L1TD1: variants seen among roughly 807,000 people sequenced by gnomAD.
L1TD1 encodes LINE1 type transposase domain containing 1.
L1TD1 carries 26 observed loss-of-function variants against 25.7 expected under a neutral mutation model. That is an observed-to-expected ratio of 1.01 (90% CI 0.74 to 1.40). L1TD1 has a LOEUF of 1.40. Ranked by LOEUF, L1TD1 falls within the 40% of genes most tolerant of loss-of-function variation. The probability of loss-of-function intolerance (pLI) is 0.00; values close to 1 mark genes in which losing one functional copy is unlikely to be tolerated. For missense variants in L1TD1, 1,130 were observed against 975.0 expected (o/e 1.16, Z -2.12); for synonymous variants, 421 against 335.6 (o/e 1.25, Z -2.78).
intron 1 of L1TD1, among the ~76,000 whole-genome samples, chr1:62,195,124 AAG>A (rs979863315): frequency 6.6e-6 from 1 of 151,230 alleles, no homozygotes; most frequent in African/African-American, 2.4e-5. Context: ...CGCCCCAAGT[AAG>A]GCTGGTCCAG....
intron 2 of L1TD1, among the ~76,000 whole-genome samples, chr1:62,204,559 C>T (rs926491127): frequency 6.6e-6 from 1 of 151,976 alleles, no homozygotes; most frequent in African/African-American, 2.4e-5. Context: ...ATTTTTATTG[C>T]AATGAAAAAT....
intron 1 of L1TD1, among the ~76,000 whole-genome samples, chr1:62,195,753 A>G (rs563141875): frequency 3.3e-5 from 5 of 150,744 alleles, no homozygotes; most frequent in African/African-American, 9.8e-5. Context: ...ACTGTCTCAA[A>G]TAAAAAAAGA....
chr1:62,205,389 TTC>T (rs1194912722), intron 2 of L1TD1, among the ~76,000 whole-genome samples: 1,721 of 60,256 alleles, frequency 0.029, 35 homozygotes, highest in Non-Finnish European at 0.031. Flanking sequence ...CTCTCTCTCT[TTC>T]TCTCTCTCTC....
intron 2 of L1TD1, among the ~76,000 whole-genome samples, chr1:62,200,524 T>C (rs1670622011): frequency 6.6e-6 from 1 of 152,078 alleles, no homozygotes; most frequent in South Asian, 2.1e-4. Context: ...TGTACTTATA[T>C]ATAGTTATAT....
chr1:62,205,439 A>ATTTTTTTTTTTTTTTTTTTTTTTT (rs1297750882), intron 2 of L1TD1, among the ~76,000 whole-genome samples: 1 of 44,220 alleles, frequency 2.3e-5, no homozygotes, highest in Non-Finnish European at 4.3e-5. Context: ...ATATATATAT[A>ATTTTTTTTTTTTTTTTTTTTTTTT]TATATTTTTT....
chr1:62,198,969 C>T (rs1670593767), intron 2 of L1TD1, among the ~76,000 whole-genome samples: 2 of 152,084 alleles, frequency 1.3e-5, no homozygotes, highest in African/African-American at 4.8e-5. Flanking sequence ...TCCCAAGTAG[C>T]TGGGACTGCA....
rs1670559988 is a variant in L1TD1 at position 62,197,258 on chromosome 1, G to A, written c.-111+730G>A. Reference sequence around the variant, plus strand: ...CAAAATTAGCTGGGCATGGTGGCACGCTCCTGTAGTCCCAGCTACGTGGGA... The same window carrying A: ...CAAAATTAGCTGGGCATGGTGGCACACTCCTGTAGTCCCAGCTACGTGGGA... On this transcript the variant is annotated intron_variant, in intron 2 of 3. Transcript: ENST00000498273. Among the ~76,000 whole-genome samples the A allele has an allele frequency of 2.6e-5, 4 of 151,534 alleles. No homozygotes were observed. The South Asian group carries it at 8.4e-4, about 32-fold the overall frequency.
chr1:62,206,616 C>A lies in L1TD1; in HGVS notation c.-13C>A. The A allele has an allele frequency of 6.8e-7, 1 of 1,477,552 alleles. No individual in the cohort carries two copies. Among genetic ancestry groups the A allele is most frequent in the East Asian group, 2.5e-5 (1 of 40,096 alleles). 91.5% of individuals were successfully genotyped at this position (1,477,552 alleles called of 1,614,324 possible). A position where few individuals can be genotyped will look rare whatever the true frequency, so the allele number is the denominator to read the frequency against. ...AATTAAAAACAGAATCCAGTCTTGA[C>A]AACATATCCACAATGTCTGATGTAT... On this transcript the variant is annotated 5_prime_UTR_variant, in exon 3 of 4. Transcript: ENST00000498273.
At position 62,210,438 on chromosome 1, in the gene L1TD1, T is replaced by G. The variant is rs1670842100; in HGVS notation, c.1664T>G (p.Leu555Trp). 6.2e-7 allele frequency: 1 copy of G among 1,614,060 alleles called. No individual in the cohort carries two copies. Among genetic ancestry groups the G allele is most frequent in the African/African-American group, 1.3e-5 (1 of 74,934 alleles). ...GGCACACCCTGTCTGACCTTATGTTTGGCCTCTCCCTCAAAGTCACTAGAG... is the reference window on the plus strand; with the variant it reads ...GGCACACCCTGTCTGACCTTATGTTGGGCCTCTCCCTCAAAGTCACTAGAG... ...GTGTPCLTLCLASPSKSLEMS... is the reference protein window; with the variant it reads ...GTGTPCLTLCWASPSKSLEMS... Residue 555 changes from leucine to tryptophan, a missense_variant, in exon 4 of 4, where the codon TTG becomes TGG. Coordinates refer to ENST00000498273, the MANE Select transcript of L1TD1 (RefSeq NM_019079.5).
In L1TD1 at chr1:62,207,109, C is replaced by T. The variant is rs1171296564; in HGVS notation, c.481C>T (p.Pro161Ser). Residue 161 changes from proline (P) to serine (S), a missense_variant, in exon 3 of 4, where the codon CCC (proline) becomes TCC (serine). By Grantham distance (74) the Pro-to-Ser change is moderately conservative (BLOSUM62 -1). Coordinates refer to ENST00000498273, the MANE Select transcript of L1TD1 (RefSeq NM_019079.5). ...EYNSNDGKKL[P>S]QGESRSYEVM... ...CAATAGTAATGATGGTAAGAAATTA[C>T]CCCAGGGTGAATCACGAAGTTACGA... 6.2e-7 allele frequency: 1 copy of T among 1,605,252 alleles called. No individual in the cohort carries two copies.
Position 62,202,098 on chromosome 1 carries a change from C to T in L1TD1, c.-110-4421C>T, listed in dbSNP as rs533906104. Among the ~76,000 whole-genome samples, 9 of 152,210 alleles carry T rather than the reference C, an allele frequency of 5.9e-5. No individual in the cohort carries two copies. In the South Asian group the frequency reaches 1.2e-3, roughly 21 times the overall value. ...GGTGGATCACCTGAGGTTGGGAGTT[C>T]GAGACCAGCCTGACCAACACGGAGA... is the stretch of plus-strand genomic sequence containing the variant. On this transcript the variant is annotated intron_variant, in intron 2 of 3. Coordinates refer to ENST00000498273, the MANE Select transcript of L1TD1 (RefSeq NM_019079.5).
intron 2 of L1TD1, among the ~76,000 whole-genome samples, chr1:62,206,184 T>C (rs530485772): frequency 2.6e-5 from 4 of 152,354 alleles, no homozygotes; most frequent in East Asian, 3.9e-4. Context: ...ATGATACATA[T>C]GTTGGTTTCT....
At chr1:62,206,411 T>C (rs758444554) in intron 2 of L1TD1, 108 bp from the exon 3 acceptor site, 3 of 290,886 alleles carry the variant, frequency 1.0e-5, no homozygotes, top group Non-Finnish European at 1.2e-5. Flanking sequence ...TTTTTATTAA[T>C]TTATTATGGA....
In L1TD1 at chr1:62,209,962, T is replaced by G. The variant is rs139676240; in HGVS notation, c.1188T>G (p.Asp396Glu). The G allele has an allele frequency of 7.4e-6, 12 of 1,610,788 alleles. No individual in the cohort carries two copies. The highest frequency in any genetic ancestry group is 1.0e-5 in the Non-Finnish European group (12 of 1,178,356). The change falls in exon 4 of 4, where the codon GAT becomes GAG. Residue 396 changes from aspartate (D) to glutamate (E), a missense_variant. By Grantham distance (45) the Asp-to-Glu change is conservative (BLOSUM62 2). Coordinates refer to ENST00000498273, the MANE Select transcript of L1TD1 (RefSeq NM_019079.5). ...ELDEEASGME[D>E]DEDTSGLEEE... Reference sequence around the variant, plus strand: ...ATGAAGAGGCCTCAGGGATGGAGGATGATGAAGATACCTCAGGGCTGGAGG... The same window carrying G: ...ATGAAGAGGCCTCAGGGATGGAGGAGGATGAAGATACCTCAGGGCTGGAGG...
At chr1:62,196,733 C>G (rs1670550228) in intron 2 of L1TD1, among the ~76,000 whole-genome samples, 1 of 152,102 alleles carries the variant, frequency 6.6e-6, no homozygotes, top group South Asian at 2.1e-4. Context: ...GCTGGGATTA[C>G]AGGCGCCTGC....
chr1:62,205,330 C>T (rs1427576670), intron 2 of L1TD1, among the ~76,000 whole-genome samples: 1 of 149,550 alleles, frequency 6.7e-6, no homozygotes, highest in Non-Finnish European at 1.5e-5. Flanking sequence ...AAGAACAAGA[C>T]TGTCAAAAGA....
At chr1:62,205,172 C>A (rs553471013) in intron 2 of L1TD1, among the ~76,000 whole-genome samples, 1 of 151,538 alleles carries the variant, frequency 6.6e-6, no homozygotes, top group African/African-American at 2.4e-5. Flanking sequence ...CATGGTGAAA[C>A]CTCGTCTCCA....
intron 3 of L1TD1, 80 bp downstream of exon 3, chr1:62,207,716 ATTTT>A (rs550636848): frequency 2.3e-6 from 3 of 1,310,372 alleles, no homozygotes; most frequent in Non-Finnish European, 3.0e-6. Context: ...GGATAAATCA[ATTTT>A]TTTTTTCTTG....
chr1:62,199,908 T>C (rs772403145), intron 2 of L1TD1, among the ~76,000 whole-genome samples: 2 of 152,168 alleles, frequency 1.3e-5, no homozygotes, highest in African/African-American at 4.8e-5. Flanking sequence ...GAATGTGTTT[T>C]GATTTGCATT....
Sources: gnomAD v4.1 joint callset for allele counts (sites outside exome capture counted in the v4.1 genomes callset) on GRCh38, gnomAD v4.1.1 for gene constraint, MANE v1.5 for transcripts, NCBI Gene and HGNC (gene_info 2026-07-23, HGNC 2026-07-21) for gene names.